The following PKM variants were observed in gnomAD, a reference collection of about 807,000 sequenced individuals.
PKM encodes pyruvate kinase M1/2.
In PKM, 18 loss-of-function variants were observed where a neutral mutation model predicts 49.8. The ratio of observed to expected loss-of-function variants is 0.36; its 90% CI spans 0.25 to 0.54. The LOEUF is 0.54. Among genes scored for constraint, PKM ranks in the 20% least tolerant of loss-of-function variants. PKM has a pLI of 0.89. For missense variants in PKM, 508 were observed against 713.8 expected (o/e 0.71, Z 3.28); for synonymous variants, 239 against 261.8 (o/e 0.91, Z 0.84).
At chr15:72,207,340 A>G in intron 6 of PKM, 63 bp from the exon 7 acceptor site, 1 of 1,456,178 alleles carries the variant, frequency 6.9e-7, no homozygotes, top group East Asian at 2.3e-5. Context: ...ATGGCAGTAG[A>G]CAAGAAGTTT....
At chr15:72,203,158 G>A (rs1439310559) in intron 8 of PKM, 3 of 1,614,020 alleles carry the variant, frequency 1.9e-6, no homozygotes, top group East Asian at 4.5e-5. Flanking sequence ...AGCTTGCGGT[G>A]GAACATGGCT....
At position 72,199,133 on chromosome 15, in the gene PKM, G is replaced by A. The variant is rs912627179; in HGVS notation, c.*517C>T. 4 of 307,970 alleles carry A rather than the reference G, an allele frequency of 1.3e-5. No individual in the cohort carries two copies. Among genetic ancestry groups the A allele is most frequent in the African/African-American group, 4.4e-5 (2 of 45,642 alleles). The allele number at this position is 307,970 out of a possible 1,614,324, so 19.1% of individuals were successfully genotyped here. Reference sequence around the variant, plus strand: ...ATGGAAGGTGGAGGGTGGAGTGTTTGCTGCAGGACAGCTGAGTGGAGGGTG... The same window carrying A: ...ATGGAAGGTGGAGGGTGGAGTGTTTACTGCAGGACAGCTGAGTGGAGGGTG... On this transcript the variant is annotated 3_prime_UTR_variant, in exon 11 of 11. Transcript: ENST00000335181.
At chr15:72,220,875 G>C (rs913462416) in intron 1 of PKM, among the ~76,000 whole-genome samples, 36 of 152,206 alleles carry the variant, frequency 2.4e-4, no homozygotes, top group African/African-American at 8.7e-4. Flanking sequence ...TCATGGTTGA[G>C]GGAGGGCTCG....
chr15:72,230,639 G>C (rs1224749976), intron 1 of PKM, among the ~76,000 whole-genome samples: 1 of 152,140 alleles, frequency 6.6e-6, no homozygotes, highest in Non-Finnish European at 1.5e-5. Context: ...GTTTCAATGA[G>C]TTACACAGAA....
At chr15:72,204,708 A>G (rs1311044143) in intron 8 of PKM, 1 of 152,242 alleles carries the variant, frequency 6.6e-6, no homozygotes, top group Non-Finnish European at 1.5e-5. Flanking sequence ...AATTAAACAT[A>G]TCTAATCCAT....
chr15:72,216,972 G>A (rs955209711), intron 3 of PKM, among the ~76,000 whole-genome samples: 6 of 152,298 alleles, frequency 3.9e-5, no homozygotes, highest in Admixed American at 1.3e-4. Flanking sequence ...AGTGGAAACC[G>A]TTCTCATGGA....
intron 6 of PKM, 96 bp downstream of exon 6, chr15:72,208,525 C>A (rs1001301068): frequency 2.2e-6 from 3 of 1,344,296 alleles, no homozygotes; most frequent in Non-Finnish European, 3.2e-6. Context: ...AGTCTACATT[C>A]TGATGGGCTA....
intron 1 of PKM, chr15:72,228,749 C>A: frequency 1.8e-6 from 1 of 549,560 alleles, no homozygotes; most frequent in Non-Finnish European, 3.0e-6. Flanking sequence ...TATTTGCTAA[C>A]AACGCTGCAG....
At chr15:72,208,217 C>G (rs141853070) in intron 6 of PKM, among the ~76,000 whole-genome samples, 9 of 152,088 alleles carry the variant, frequency 5.9e-5, no homozygotes, top group Non-Finnish European at 1.3e-4. Flanking sequence ...CCAGGAAGGG[C>G]CAAAAAGAGC....
chr15:72,225,497 A>G (rs1169807574), intron 1 of PKM, among the ~76,000 whole-genome samples: 1 of 152,068 alleles, frequency 6.6e-6, no homozygotes, highest in Non-Finnish European at 1.5e-5. Flanking sequence ...ATGCATTTTG[A>G]CACCCAATCA....
At chr15:72,205,210 T>C (rs1156878813) in intron 8 of PKM, among the ~76,000 whole-genome samples, 1 of 151,908 alleles carries the variant, frequency 6.6e-6, no homozygotes, top group Non-Finnish European at 1.5e-5. Context: ...ACCTCCTGGG[T>C]TCAAGCGATC....
At chr15:72,221,059 G>A (rs1048039736) in intron 1 of PKM, 5 of 716,464 alleles carry the variant, frequency 7.0e-6, no homozygotes, top group South Asian at 1.5e-5. Context: ...GTGGGTTGGA[G>A]TAACTAATTC....
In PKM at chr15:72,207,233, C is replaced by T. The variant is rs1555439861; in HGVS notation, c.881G>A (p.Arg294His). 1 of 1,614,114 alleles carries T rather than the reference C, an allele frequency of 6.2e-7. No individual in the cohort carries two copies. Among genetic ancestry groups the T allele is most frequent in the Middle Eastern group, 1.6e-4 (1 of 6,062 alleles). ...AGGAATCTCAATGCCTAGATCACCA[C>T]GAGCCACCATGATCCCATCACTGGC... is the stretch of plus-strand genomic sequence containing the variant. ...LEASDGIMVA[R>H]GDLGIEIPAE... Residue 294 changes from arginine (R) to histidine (H), a missense_variant, in exon 7 of 11, where the codon CGT becomes CAT. Coordinates refer to ENST00000335181, the MANE Select transcript of PKM (RefSeq NM_002654.6).
intron 6 of PKM, 102 bp from the exon 7 acceptor site, chr15:72,207,379 T>G: frequency 5.8e-6 from 6 of 1,028,980 alleles, no homozygotes; most frequent in Non-Finnish European, 9.2e-6. Context: ...TAGATGTCCT[T>G]GTACCAGGAC....
rs374774233 is a variant in PKM at position 72,222,881 on chromosome 15, T to C, written c.-13-3771A>G. Among the ~76,000 whole-genome samples, 6 of 152,210 alleles carry C rather than the reference T, an allele frequency of 3.9e-5. No homozygotes were observed. The East Asian group carries it at 9.7e-4, about 25-fold the overall frequency. ...CAGCTCCAAGTGCCCTATTCTCCCTTTCCTTTCTCATCTCAGACAGCTCCT... is the reference window on the plus strand; with the variant it reads ...CAGCTCCAAGTGCCCTATTCTCCCTCTCCTTTCTCATCTCAGACAGCTCCT... On this transcript the variant is annotated intron_variant, in intron 1 of 10. Coordinates refer to ENST00000335181, the MANE Select transcript of PKM (RefSeq NM_002654.6).
chr15:72,209,743 G>A lies in PKM; in HGVS notation c.495C>T (p.Cys165=). ...NILWLDYKNI[C]KVVEVGSKIY... ...TCTTGCTGCCCACTTCCACCACCTTGCAGATGTTCTTGTAGTCCAGCCACA... is the reference window on the plus strand; with the variant it reads ...TCTTGCTGCCCACTTCCACCACCTTACAGATGTTCTTGTAGTCCAGCCACA... Residue 165 remains cysteine (C), a synonymous_variant, in exon 5 of 11, where the codon TGC becomes TGT. Coordinates refer to ENST00000335181, the MANE Select transcript of PKM (RefSeq NM_002654.6). The A allele has an allele frequency of 6.2e-7, 1 of 1,613,932 alleles. No homozygotes were observed. Among genetic ancestry groups the A allele is most frequent in the Non-Finnish European group, 8.5e-7 (1 of 1,179,962 alleles).
intron 1 of PKM, among the ~76,000 whole-genome samples, chr15:72,227,433 T>C (rs749267882): frequency 6.6e-6 from 1 of 152,164 alleles, no homozygotes; most frequent in African/African-American, 2.4e-5. Context: ...AGATAACACA[T>C]CCTGACTTGC....
intron 1 of PKM, among the ~76,000 whole-genome samples, chr15:72,230,155 C>T (rs1028749256): frequency 7.9e-5 from 12 of 152,288 alleles, no homozygotes; most frequent in Admixed American, 7.2e-4. Context: ...GTCGAGCTCT[C>T]GGGCCCCGAG....
chr15:72,221,936 A>C (rs1480351488), intron 1 of PKM, among the ~76,000 whole-genome samples: 1 of 152,022 alleles, frequency 6.6e-6, no homozygotes, highest in East Asian at 1.9e-4. Flanking sequence ...AAAAAAAAAA[A>C]AAAAAAGTCC....
Sources: gnomAD v4.1 joint callset for allele counts (sites outside exome capture counted in the v4.1 genomes callset) on GRCh38, gnomAD v4.1.1 for gene constraint, MANE v1.5 for transcripts, NCBI Gene and HGNC (gene_info 2026-07-23, HGNC 2026-07-21) for gene names.